PAQR3: variants seen among roughly 807,000 people sequenced by gnomAD.
The protein encoded by PAQR3 is progestin and adipoQ receptor family member 3, also known as Raf kinase trapping to Golgi.
In PAQR3, 39 loss-of-function variants were observed where a neutral mutation model predicts 41.7. The ratio of observed to expected loss-of-function variants is 0.93; its 90% CI spans 0.72 to 1.22. PAQR3 has a LOEUF of 1.22. PAQR3 is among the 50% of genes most tolerant of loss of function. The pLI is 0.00. For missense variants in PAQR3, 366 were observed against 385.6 expected, an observed-to-expected ratio of 0.95 and a Z score of 0.42; for synonymous variants, 140 against 140.6, an observed-to-expected ratio of 1.00 and a Z score of 0.03.
At position 78,913,239 on chromosome 4, in the gene PAQR3, AATATAC is replaced by A. The variant is rs1187606314; in HGVS notation, c.*7294_*7299del. ...ATCCTGCTGCAAGTACCTCTGCACTAATATACCAGATCCTAAAATGCATATAAGGTG... is the reference window on the plus strand; with the variant it reads ...ATCCTGCTGCAAGTACCTCTGCACTACAGATCCTAAAATGCATATAAGGTG... On this transcript the variant is annotated 3_prime_UTR_variant, in exon 6 of 6. Coordinates refer to ENST00000512733, the MANE Select transcript of PAQR3 (RefSeq NM_001040202.2). 3.9e-5 allele frequency: 6 copies of A among 152,252 alleles called. No homozygotes were observed. The East Asian group carries it at 1.2e-3, about 29-fold the overall frequency. 9.4% of individuals were successfully genotyped at this position (152,252 alleles called of 1,614,324 possible). A position where few individuals can be genotyped will look rare whatever the true frequency, so the allele number is the denominator to read the frequency against.
rs762398126 is a variant in PAQR3, at chr4:78,911,964, TCAGTCCCAA to T, written c.*8566_*8574del. On this transcript the variant is annotated 3_prime_UTR_variant, in exon 6 of 6. Coordinates refer to ENST00000512733, the MANE Select transcript of PAQR3 (RefSeq NM_001040202.2). ...TTGTGGTGCAAAGCATCACTCCACA[TCAGTCCCAA>T]CAGTCCCAACCAGTCGAATTAGACC... is the stretch of plus-strand genomic sequence containing the variant. 14 of 1,613,992 alleles carry T rather than the reference TCAGTCCCAA, an allele frequency of 8.7e-6. No homozygotes were observed. Among genetic ancestry groups the T allele is most frequent in the Middle Eastern group, 1.7e-4 (1 of 6,058 alleles).
chr4:78,924,013 A>G, intron 4 of PAQR3, 66 bp from the exon 5 acceptor site: 2 of 1,156,034 alleles, frequency 1.7e-6, no homozygotes, highest in Non-Finnish European at 2.6e-6. Context: ...TTTATTATGA[A>G]TCTAATAGTG....
downstream of PAQR3, chr4:78,911,167 GA>G: frequency 6.2e-7 from 1 of 1,613,756 alleles, no homozygotes; most frequent in Non-Finnish European, 8.5e-7. Context: ...GCCCCAGCAA[GA>G]AAAGAATGAA....
intron 11 of PAQR3, among the ~76,000 whole-genome samples, chr4:78,892,433 G>A (rs540298268): frequency 4.6e-5 from 7 of 152,194 alleles, no homozygotes; most frequent in South Asian, 2.1e-4. Flanking sequence ...CTGATATTCC[G>A]TTTTTATACC....
chr4:78,927,053 G>A (rs558545266), intron 3 of PAQR3, among the ~76,000 whole-genome samples: 1 of 152,302 alleles, frequency 6.6e-6, no homozygotes, highest in Admixed American at 6.5e-5. Context: ...CACAGACTAT[G>A]GGAGGGGCAG....
chr4:78,930,188 G>C lies in PAQR3; in HGVS notation c.486C>G (p.Tyr162Ter), dbSNP rs751898477. The C allele has an allele frequency of 6.2e-7, 1 of 1,609,922 alleles. No homozygotes were observed. The highest frequency in any genetic ancestry group is 8.5e-7 in the Non-Finnish European group (1 of 1,178,748). ...ILGCYVSGVFYAFYCNNYWRQ... is the reference protein window; with the variant it reads ...ILGCYVSGVF ...TACTTACGTTATTACAATAAAATGC[G>C]TAAAATACTCCTGAGACATAGCAGC... The change falls in exon 3 of 6, where the codon TAC becomes TAG. Residue 162 changes from tyrosine to a stop codon, truncating the protein, a stop_gained. Transcript: ENST00000512733. LOFTEE classifies it high-confidence loss of function.
At chr4:78,937,247 T>C (rs1347898222) in intron 1 of PAQR3, among the ~76,000 whole-genome samples, 1 of 152,114 alleles carries the variant, frequency 6.6e-6, no homozygotes, top group Non-Finnish European at 1.5e-5. Flanking sequence ...AGATGGAGGT[T>C]GTTAGGGGGA....
At chr4:78,903,041 A>G (rs750454219) in intron 11 of PAQR3, among the ~76,000 whole-genome samples, 3 of 152,064 alleles carry the variant, frequency 2.0e-5, no homozygotes, top group Non-Finnish European at 4.4e-5. Context: ...TTTTGAGTTT[A>G]GAATCCTTGT....
chr4:78,911,532 G>A (rs373767396), downstream of PAQR3: 45 of 1,614,050 alleles, frequency 2.8e-5, no homozygotes, highest in African/African-American at 5.5e-4. Flanking sequence ...GTAATGGGAA[G>A]CGGCATCATG....
At chr4:78,892,800 AT>A (rs1374587999) in intron 11 of PAQR3, among the ~76,000 whole-genome samples, 10 of 152,206 alleles carry the variant, frequency 6.6e-5, no homozygotes, top group Non-Finnish European at 1.3e-4. Context: ...GTCTAAAAAA[AT>A]GTATATACCA....
Position 78,939,328 on chromosome 4 carries a change from G to T in PAQR3, c.-104C>A. 3 of 1,099,826 alleles carry T rather than the reference G, an allele frequency of 2.7e-6. No homozygotes were observed. The highest frequency in any genetic ancestry group is 3.7e-6 in the Non-Finnish European group (3 of 819,718). The allele number at this position is 1,099,826 out of a possible 1,614,324, so 68.1% of individuals were successfully genotyped here. On this transcript the variant is annotated 5_prime_UTR_variant, in exon 1 of 6. Coordinates refer to ENST00000512733, the MANE Select transcript of PAQR3 (RefSeq NM_001040202.2). Reference sequence around the variant, plus strand: ...CGCCCCCGCCCCGGAGCCCGCGGACGCTGCGCGAGGTCCTACCGCGCTGCC... The same window carrying T: ...CGCCCCCGCCCCGGAGCCCGCGGACTCTGCGCGAGGTCCTACCGCGCTGCC...
At chr4:78,901,399 A>G (rs1219126942) in intron 11 of PAQR3, among the ~76,000 whole-genome samples, 1 of 152,094 alleles carries the variant, frequency 6.6e-6, no homozygotes, top group Non-Finnish European at 1.5e-5. Flanking sequence ...TGGAGATAAT[A>G]CTGGCTACTT....
intron 2 of PAQR3, 64 bp downstream of exon 2, chr4:78,935,057 C>T (rs1737283122): frequency 6.5e-7 from 1 of 1,528,372 alleles, no homozygotes; most frequent in Non-Finnish European, 8.9e-7. Flanking sequence ...GGTAAGGTCA[C>T]CTGACCAAGA....
At chr4:78,905,532 A>G (rs1221879987) in intron 11 of PAQR3, among the ~76,000 whole-genome samples, 2 of 151,988 alleles carry the variant, frequency 1.3e-5, no homozygotes, top group Non-Finnish European at 2.9e-5. Flanking sequence ...CTGTAAATAC[A>G]TGTTGTTAGT....
At chr4:78,897,595 C>T (rs1733769493) in intron 11 of PAQR3, among the ~76,000 whole-genome samples, 1 of 152,084 alleles carries the variant, frequency 6.6e-6, no homozygotes, top group East Asian at 1.9e-4. Flanking sequence ...ACCTGTTAAG[C>T]ATAGTGTATG....
At position 78,916,546 on chromosome 4, in the gene PAQR3, T is replaced by G. The variant is rs1040156797; in HGVS notation, c.*3993A>C. ...CTTAAGGAGCTCAGAGTTTACAATTTAGGTAAGAAAACCCATTTGACTTAA... is the reference window on the plus strand; with the variant it reads ...CTTAAGGAGCTCAGAGTTTACAATTGAGGTAAGAAAACCCATTTGACTTAA... On this transcript the variant is annotated 3_prime_UTR_variant, in exon 6 of 6. Transcript: ENST00000512733. 6.6e-6 allele frequency: 1 copy of G among 151,864 alleles called. No homozygotes were observed. Among genetic ancestry groups the G allele is most frequent in the Non-Finnish European group, 1.5e-5 (1 of 67,848 alleles). 9.4% of individuals were successfully genotyped at this position (151,864 alleles called of 1,614,324 possible). A position where few individuals can be genotyped will look rare whatever the true frequency, so the allele number is the denominator to read the frequency against.
rs775138039 is a variant in PAQR3 at position 78,939,232 on chromosome 4, G to GGCC, written c.-11_-9dup. 6.3e-7 allele frequency: 1 copy of GGCC among 1,575,262 alleles called. No homozygotes were observed. The highest frequency in any genetic ancestry group is 8.6e-7 in the Non-Finnish European group (1 of 1,163,870). ...CAGCAGCTTCTGATGCATCGTTCCCGGCCGCCGCCGCTCCCCGGCTCGGGA... is the reference window on the plus strand; with the variant it reads ...CAGCAGCTTCTGATGCATCGTTCCCGGCCGCCGCCGCCGCTCCCCGGCTCGGGA... On this transcript the variant is annotated 5_prime_UTR_variant, in exon 1 of 6. Coordinates refer to ENST00000512733, the MANE Select transcript of PAQR3 (RefSeq NM_001040202.2).
At chr4:78,907,967 A>AT (rs1212647694), downstream of PAQR3, among the ~76,000 whole-genome samples, 2 of 152,038 alleles carry the variant, frequency 1.3e-5, no homozygotes. Flanking sequence ...TTTTATTTTC[A>AT]TTTTTCCCTT....
chr4:78,920,439 G>T lies in PAQR3; in HGVS notation c.*100C>A. The T allele has an allele frequency of 7.1e-7, 1 of 1,403,872 alleles. No homozygotes were observed. The highest frequency in any genetic ancestry group is 9.3e-7 in the Non-Finnish European group (1 of 1,076,354). 87.0% of individuals were successfully genotyped at this position (1,403,872 alleles called of 1,614,324 possible). A position where few individuals can be genotyped will look rare whatever the true frequency, so the allele number is the denominator to read the frequency against. ...ATAAAGCATTACTCATATTAAAAAG[G>T]AAAAAGGGAAAACTAATGGGAATCT... On this transcript the variant is annotated 3_prime_UTR_variant, in exon 6 of 6. Transcript: ENST00000512733.
Sources: gnomAD v4.1 joint callset for allele counts (sites outside exome capture counted in the v4.1 genomes callset) on GRCh38, gnomAD v4.1.1 for gene constraint, MANE v1.5 for transcripts, NCBI Gene and HGNC (gene_info 2026-07-23, HGNC 2026-07-21) for gene names.